The following ITGA2 variants were observed in gnomAD, a reference collection of about 807,000 sequenced individuals.
ITGA2 encodes the protein integrin subunit alpha 2.
ITGA2 carries 101 observed loss-of-function variants against 146.3 expected under a neutral mutation model. The observed-to-expected ratio is 0.69, with a 90% confidence interval of 0.59 to 0.81. ITGA2 has a LOEUF of 0.81. ITGA2 is among the 40% of genes least tolerant of loss of function. The probability of loss-of-function intolerance (pLI) is 0.00; values close to 1 mark genes in which losing one functional copy is unlikely to be tolerated. For missense variants in ITGA2, 1,281 were observed against 1,402.7 expected, an observed-to-expected ratio of 0.91 and a Z score of 1.39; for synonymous variants, 477 against 487.1, an observed-to-expected ratio of 0.98 and a Z score of 0.27.
intron 2 of ITGA2, among the ~76,000 whole-genome samples, chr5:53,033,671 C>T (rs1743347681): frequency 6.6e-6 from 1 of 152,046 alleles, no homozygotes; most frequent in Admixed American, 6.6e-5. Flanking sequence ...AATTTTGGCT[C>T]ACTGCAACCT....
At chr5:53,021,147 GT>G (rs1742663700) in intron 1 of ITGA2, among the ~76,000 whole-genome samples, 1 of 151,448 alleles carries the variant, frequency 6.6e-6, no homozygotes, top group African/African-American at 2.4e-5. Context: ...GTTAAGCACT[GT>G]CATCTTCTTC....
Position 53,056,001 on chromosome 5 carries a change from C to T in ITGA2, c.948C>T (p.Asn316=). The T allele has an allele frequency of 6.2e-7, 1 of 1,609,362 alleles. No homozygotes were observed. Among genetic ancestry groups the T allele is most frequent in the Non-Finnish European group, 8.5e-7 (1 of 1,178,018 alleles). Residue 316 remains asparagine (N), a synonymous_variant, in exon 9 of 30, where the codon AAC becomes AAT. Coordinates refer to ENST00000296585, the MANE Select transcript of ITGA2 (RefSeq NM_002203.4). ...TTTTCAAGGTTCTTGGGTACTTAAA[C>T]AGAAACGCCCTTGATACTAAAAATT... ...RFGIAVLGYL[N]RNALDTKNLI...
rs1741760236 is a variant in ITGA2 at position 53,004,920 on chromosome 5, T to G, written c.64+15388T>G. 1.4e-4 allele frequency among the ~76,000 whole-genome samples: 11 copies of G among 76,984 alleles called. 1 individual carries two copies. Among genetic ancestry groups the G allele is most frequent in the Admixed American group, 1.4e-3 (10 of 7,046 alleles). 50.5% of individuals were successfully genotyped at this position (76,984 alleles called of 152,430 possible). The stretch of plus-strand genomic sequence containing the variant: ...TTTTTTTTTTTTTTTTTTTTTTTTT[T>G]TTTTTTTTTTTTTGGAGGGGGAGGA... On this transcript the variant is annotated intron_variant, in intron 1 of 29. Coordinates refer to ENST00000296585, the MANE Select transcript of ITGA2 (RefSeq NM_002203.4).
At position 53,090,932 on chromosome 5, in the gene ITGA2, A is replaced by G. The variant is rs1740388868; in HGVS notation, c.*333A>G. 1 of 548,298 alleles carries G rather than the reference A, an allele frequency of 1.8e-6. No individual in the cohort carries two copies. Among genetic ancestry groups the G allele is most frequent in the Non-Finnish European group, 3.2e-6 (1 of 311,050 alleles). The allele number at this position is 548,298 out of a possible 1,614,324, so 34.0% of individuals were successfully genotyped here. On this transcript the variant is annotated 3_prime_UTR_variant, in exon 30 of 30. Coordinates refer to ENST00000296585, the MANE Select transcript of ITGA2 (RefSeq NM_002203.4). ...TGCTTCCAAGCATGACAACTTTTAA[A>G]GAAAAATATGATACTCTCAGATTTT...
At chr5:53,038,478 G>T (rs1003802839) in intron 2 of ITGA2, among the ~76,000 whole-genome samples, 5 of 152,140 alleles carry the variant, frequency 3.3e-5, no homozygotes, top group African/African-American at 1.2e-4. Context: ...TCCCAGGACA[G>T]CTGTGCTTCG....
intron 23 of ITGA2, among the ~76,000 whole-genome samples, chr5:53,078,239 C>T (rs979015011): frequency 3.9e-5 from 6 of 152,138 alleles, no homozygotes; most frequent in Admixed American, 3.9e-4. Flanking sequence ...CAACCTCATT[C>T]AGACCCAAAC....
At chr5:53,052,706 C>T (rs936986775) in intron 7 of ITGA2, among the ~76,000 whole-genome samples, 3 of 152,046 alleles carry the variant, frequency 2.0e-5, no homozygotes, top group African/African-American at 4.8e-5. Flanking sequence ...GATGAACATA[C>T]GCTGCTATTC....
chr5:53,073,923 A>G (rs1480810861), intron 20 of ITGA2, among the ~76,000 whole-genome samples: 9 of 149,926 alleles, frequency 6.0e-5, no homozygotes, highest in Non-Finnish European at 1.0e-4. Flanking sequence ...CTTTAAAGGG[A>G]AAAAAAAACC....
rs757932706 is a variant in ITGA2 at position 53,062,851 on chromosome 5, G to A, written c.1524G>A (p.Val508=). 79 of 1,611,402 alleles carry A rather than the reference G, an allele frequency of 4.9e-5. No homozygotes were observed. The highest frequency in any genetic ancestry group is 6.2e-5 in the Non-Finnish European group (73 of 1,178,424). The part of the protein sequence containing the change: ...VDVDKDTITD[V]LLVGAPMYMS... ...TGGATAAAGACACCATTACAGACGT[G>A]CTCTTGGTAGGTGCACCAATGTACA... is the stretch of plus-strand genomic sequence containing the variant. The change falls in exon 13 of 30, where the codon GTG becomes GTA. Residue 508 remains valine, a synonymous_variant. Coordinates refer to ENST00000296585, the MANE Select transcript of ITGA2 (RefSeq NM_002203.4).
At chr5:53,013,273 T>A (rs766123514) in intron 1 of ITGA2, among the ~76,000 whole-genome samples, 2 of 152,154 alleles carry the variant, frequency 1.3e-5, no homozygotes, top group Non-Finnish European at 2.9e-5. Context: ...TTGATTTTTG[T>A]GTATGGTGTA....
chr5:53,093,051 G>C lies in ITGA2; in HGVS notation c.*2452G>C, dbSNP rs903595779. 1 of 152,328 alleles carries C rather than the reference G, an allele frequency of 6.6e-6. No homozygotes were observed. The highest frequency in any genetic ancestry group is 2.4e-5 in the African/African-American group (1 of 41,426). The allele number at this position is 152,328 out of a possible 1,614,324, so 9.4% of individuals were successfully genotyped here. A position where few individuals can be genotyped will look rare whatever the true frequency, so the allele number is the denominator to read the frequency against. ...ACCCGGGAGGCAGAGGTTTCAGTGA[G>C]CCGAGATCGCGCCACTGCACTCCAG... is the stretch of plus-strand genomic sequence containing the variant. On this transcript the variant is annotated 3_prime_UTR_variant, in exon 30 of 30. Transcript: ENST00000296585.
At chr5:53,078,511 G>C (rs1031899253) in intron 23 of ITGA2, among the ~76,000 whole-genome samples, 4 of 152,074 alleles carry the variant, frequency 2.6e-5, no homozygotes, top group Non-Finnish European at 5.9e-5. Context: ...TTAGAAACTT[G>C]AGAATTGGTA....
intron 7 of ITGA2, among the ~76,000 whole-genome samples, chr5:53,052,441 AAC>A (rs1362430604): frequency 2.2e-4 from 34 of 152,116 alleles, no homozygotes; most frequent in Admixed American, 6.6e-5. Context: ...AAAAATGCTA[AAC>A]ACACTCCGGT....
rs541480364 is a variant in ITGA2 at position 53,083,912 on chromosome 5, A to G, written c.3258+459A>G. Among the ~76,000 whole-genome samples, 5 of 152,348 alleles carry G rather than the reference A, an allele frequency of 3.3e-5. No individual in the cohort carries two copies. The East Asian group carries it at 5.8e-4, about 18-fold the overall frequency. ...AAACCACCTAGTAGATGAATCTAGC[A>G]TAAAGATATGTCTTCCTATATTACA... On this transcript the variant is annotated intron_variant, in intron 27 of 29. Coordinates refer to ENST00000296585, the MANE Select transcript of ITGA2 (RefSeq NM_002203.4).
At chr5:53,088,907 T>G (rs1298852565) in intron 28 of ITGA2, 2 of 152,186 alleles carry the variant, frequency 1.3e-5, no homozygotes, top group Non-Finnish European at 2.9e-5. Flanking sequence ...CTTAAAAATC[T>G]GATCCACAAA....
chr5:53,069,404 C>T (rs1360052812), intron 16 of ITGA2, among the ~76,000 whole-genome samples: 2 of 151,864 alleles, frequency 1.3e-5, no homozygotes, highest in Non-Finnish European at 2.9e-5. Context: ...CAAACCAAGT[C>T]TGCCTGACTG....
rs1740419850 is a variant in ITGA2 at position 53,091,502 on chromosome 5, G to A, written c.*903G>A. On this transcript the variant is annotated 3_prime_UTR_variant, in exon 30 of 30. Transcript: ENST00000296585. ...GTAACCTAGTGAATTTCTGAAAGAT[G>A]AGTAATTTCTTTGGCAACCTTCCTC... 6.6e-6 allele frequency: 1 copy of A among 152,158 alleles called. No homozygotes were observed. Among genetic ancestry groups the A allele is most frequent in the Non-Finnish European group, 1.5e-5 (1 of 68,048 alleles). 9.4% of individuals were successfully genotyped at this position (152,158 alleles called of 1,614,324 possible). A position where few individuals can be genotyped will look rare whatever the true frequency, so the allele number is the denominator to read the frequency against.
chr5:53,051,945 G>A (rs996956709), intron 7 of ITGA2, among the ~76,000 whole-genome samples: 1 of 152,096 alleles, frequency 6.6e-6, no homozygotes, highest in Admixed American at 6.6e-5. Context: ...AAAGACCACA[G>A]AATCTTAAAC....
intron 16 of ITGA2, among the ~76,000 whole-genome samples, chr5:53,068,647 C>A (rs1745253033): frequency 6.6e-6 from 1 of 151,664 alleles, no homozygotes; most frequent in Non-Finnish European, 1.5e-5. Context: ...TTTCCTGATG[C>A]CTTCAGGTCC....
Sources: allele counts gnomAD v4.1 joint callset (sites outside exome capture counted in the v4.1 genomes callset), GRCh38; gene constraint gnomAD v4.1.1; transcripts MANE v1.5; gene names NCBI Gene and HGNC (gene_info 2026-07-23, HGNC 2026-07-21).